CDKL1: variants seen among roughly 807,000 people sequenced by gnomAD.
CDKL1 encodes the protein cyclin dependent kinase like 1.
In CDKL1, 41 loss-of-function variants were observed where a neutral mutation model predicts 42.0. That is an observed-to-expected ratio of 0.98 (90% CI 0.76 to 1.27). The LOEUF is 1.27. Among genes scored for constraint, CDKL1 ranks in the 50% most tolerant of loss-of-function variants. CDKL1 has a pLI of 0.00. For synonymous variants in CDKL1, 153 were observed against 158.6 expected, an observed-to-expected ratio of 0.96 and a Z score of 0.26; for missense variants, 394 against 428.4, an observed-to-expected ratio of 0.92 and a Z score of 0.71.
At position 50,330,044 on chromosome 14, in the gene CDKL1, C is replaced by G; in HGVS notation, c.*30G>C. 1 of 1,598,894 alleles carries G rather than the reference C, an allele frequency of 6.3e-7. No homozygotes were observed. The highest frequency in any genetic ancestry group is 8.5e-7 in the Non-Finnish European group (1 of 1,176,224). On this transcript the variant is annotated 3_prime_UTR_variant, in exon 10 of 10. Transcript: ENST00000395834. ...ATTTTCTTCAAAGCATCTATTGATTCCTTTTTTAAAATCATGTCTCCTAGC... is the reference window on the plus strand; with the variant it reads ...ATTTTCTTCAAAGCATCTATTGATTGCTTTTTTAAAATCATGTCTCCTAGC...
chr14:50,350,686 G>A lies in CDKL1; in HGVS notation c.291-5628C>T, dbSNP rs375485970. On this transcript the variant is annotated intron_variant, in intron 3 of 9. Transcript: ENST00000395834. ...AAATCCTGAAGATATCAGCTCCCCCGACCTAGAAATGAGAGTCGGGCAAGG... is the reference window on the plus strand; with the variant it reads ...AAATCCTGAAGATATCAGCTCCCCCAACCTAGAAATGAGAGTCGGGCAAGG... Among the ~76,000 whole-genome samples, 34 of 152,250 alleles carry A rather than the reference G, an allele frequency of 2.2e-4. 1 individual carries two copies. Among genetic ancestry groups the A allele is most frequent in the African/African-American group, 7.9e-4 (33 of 41,558 alleles).
At chr14:50,352,559 G>A (rs188523390) in intron 3 of CDKL1, among the ~76,000 whole-genome samples, 2 of 152,162 alleles carry the variant, frequency 1.3e-5, no homozygotes, top group East Asian at 1.9e-4. Context: ...TAAACTTAAT[G>A]TAATATTTTA....
chr14:50,367,600 A>G (rs547887595), intron 2 of CDKL1, among the ~76,000 whole-genome samples: 70 of 152,376 alleles, frequency 4.6e-4, no homozygotes, highest in African/African-American at 1.6e-3. Flanking sequence ...AAACTGTTAC[A>G]GGCTTACCCA....
At chr14:50,337,525 A>AAAT (rs1301317310) in intron 7 of CDKL1, among the ~76,000 whole-genome samples, 3 of 148,746 alleles carry the variant, frequency 2.0e-5, no homozygotes, top group Non-Finnish European at 4.5e-5. Context: ...TTAGTTTTAA[A>AAAT]AATATTTTGT....
At chr14:50,382,217 C>T (rs2034928709) in intron 2 of CDKL1, among the ~76,000 whole-genome samples, 1 of 152,136 alleles carries the variant, frequency 6.6e-6, no homozygotes, top group Non-Finnish European at 1.5e-5. Flanking sequence ...CTGTGGGAGG[C>T]CGAGGCAGGC....
At chr14:50,332,660 T>C in intron 8 of CDKL1, 1 of 1,532,098 alleles carries the variant, frequency 6.5e-7, no homozygotes, top group South Asian at 1.2e-5. Flanking sequence ...TTTCTCCACC[T>C]TATTCTGTTC....
rs2034117297 is a variant in CDKL1 at position 50,358,235 on chromosome 14, A to G, written c.290+793T>C. On this transcript the variant is annotated intron_variant, in intron 3 of 9. Transcript: ENST00000395834. ...GCCACAACACAATTGTTTTTCACCT[A>G]TGCTTGCTTCAGTTGGGTTTTTGTC... 45 of 1,016,854 alleles carry G rather than the reference A, an allele frequency of 4.4e-5. 1 individual carries two copies. The South Asian group carries it at 7.4e-4, about 17-fold the overall frequency. 63.0% of individuals were successfully genotyped at this position (1,016,854 alleles called of 1,614,324 possible).
intron 2 of CDKL1, among the ~76,000 whole-genome samples, chr14:50,394,039 A>C (rs1357455478): frequency 2.0e-5 from 3 of 152,222 alleles, no homozygotes; most frequent in Non-Finnish European, 4.4e-5. Flanking sequence ...AACTCAATGA[A>C]TTTGGGGAGC....
chr14:50,375,746 G>A (rs144047813), intron 2 of CDKL1, among the ~76,000 whole-genome samples: 7,316 of 152,024 alleles, frequency 0.048, 248 homozygotes, highest in Non-Finnish European at 0.079. Flanking sequence ...GTAGTGAGTC[G>A]AGATGGTGCC....
intron 3 of CDKL1, among the ~76,000 whole-genome samples, chr14:50,348,279 G>A (rs944222825): frequency 6.6e-5 from 10 of 152,132 alleles, no homozygotes; most frequent in Non-Finnish European, 1.3e-4. Context: ...AAGGAGTATG[G>A]AAAAAACTGT....
At chr14:50,344,860 C>T (rs1394112881) in intron 4 of CDKL1, 126 bp downstream of exon 4, 5 of 707,416 alleles carry the variant, frequency 7.1e-6, no homozygotes, top group Admixed American at 2.8e-5. Context: ...TATACTTACC[C>T]AACCAGGCTT....
intron 3 of CDKL1, among the ~76,000 whole-genome samples, chr14:50,351,690 G>A (rs2033907113): frequency 6.6e-6 from 1 of 151,214 alleles, no homozygotes; most frequent in Admixed American, 6.6e-5. Flanking sequence ...AGCTATGATT[G>A]GGCCACTGCA....
chr14:50,386,153 C>T (rs1041351301), intron 2 of CDKL1, among the ~76,000 whole-genome samples: 1 of 152,068 alleles, frequency 6.6e-6, no homozygotes, highest in African/African-American at 2.4e-5. Flanking sequence ...AAAGGAAGTA[C>T]AGGCACAATG....
chr14:50,396,592 T>G (rs2035414763), intron 1 of CDKL1, among the ~76,000 whole-genome samples: 1 of 152,138 alleles, frequency 6.6e-6, no homozygotes, highest in South Asian at 2.1e-4. Context: ...GCTTCCCCGG[T>G]TCTAATTTCG....
intron 3 of CDKL1, among the ~76,000 whole-genome samples, chr14:50,349,281 A>G (rs1206021474): frequency 6.6e-6 from 1 of 152,242 alleles, no homozygotes; most frequent in South Asian, 2.1e-4. Context: ...AAACAAGCCT[A>G]TATCCAAACA....
intron 2 of CDKL1, among the ~76,000 whole-genome samples, chr14:50,381,469 G>C (rs974693964): frequency 2.0e-5 from 3 of 152,196 alleles, no homozygotes; most frequent in Non-Finnish European, 4.4e-5. Context: ...CAGCTTACAT[G>C]TATGAGGAAC....
Position 50,338,870 on chromosome 14 carries a change from T to C in CDKL1, c.738+77A>G, listed in dbSNP as rs2033404736. 4 of 915,290 alleles carry C rather than the reference T, an allele frequency of 4.4e-6. No homozygotes were observed. In the African/African-American group the frequency reaches 4.9e-5, roughly 11 times the overall value. 56.7% of individuals were successfully genotyped at this position (915,290 alleles called of 1,614,324 possible). On this transcript the variant is annotated intron_variant, in intron 7 of 9. Transcript: ENST00000395834. Reference sequence around the variant, plus strand: ...CTGACCTCCAATGCAGGGTGAGCCATGGGGCTCAGGAGGTGAATAACAACC... The same window carrying C: ...CTGACCTCCAATGCAGGGTGAGCCACGGGGCTCAGGAGGTGAATAACAACC...
chr14:50,331,858 C>A, intron 9 of CDKL1: 1 of 658,866 alleles, frequency 1.5e-6, no homozygotes, highest in East Asian at 2.8e-5. Context: ...GGGAGGAAAA[C>A]AGCTCCTTTT....
rs545263213 is a variant in CDKL1 at position 50,330,198 on chromosome 14, C to T, written c.967-17G>A. ...GTACTGCAACTAAAAATGCAAAACA[C>T]AGAATTAGGTTCAAAACTGTGCCAT... On this transcript the variant is annotated splice_polypyrimidine_tract_variant and intron_variant, in intron 9 of 9. Coordinates refer to ENST00000395834, the MANE Select transcript of CDKL1 (RefSeq NM_004196.7). 2 of 1,596,972 alleles carry T rather than the reference C, an allele frequency of 1.3e-6. No homozygotes were observed. The highest frequency in any genetic ancestry group is 2.3e-5 in the South Asian group (2 of 86,862).
Sources: gnomAD v4.1 joint callset for allele counts (sites outside exome capture counted in the v4.1 genomes callset) on GRCh38, gnomAD v4.1.1 for gene constraint, MANE v1.5 for transcripts, NCBI Gene and HGNC (gene_info 2026-07-23, HGNC 2026-07-21) for gene names.